CPNE8: variants seen among roughly 807,000 people sequenced by gnomAD.
CPNE8 encodes the protein copine-8.
A neutral mutation model predicts 81.5 loss-of-function variants in CPNE8; 45 were observed. The observed-to-expected ratio is 0.55, with a 90% CI of 0.44 to 0.71. The LOEUF is 0.71. CPNE8 is among the 30% of genes least tolerant of loss of function. The pLI, the probability that CPNE8 is intolerant of heterozygous loss-of-function variation, is 0.00. For synonymous variants in CPNE8, 252 were observed against 226.3 expected (o/e 1.11, Z -1.02); for missense variants, 594 against 672.1 (o/e 0.88, Z 1.28).
chr12:38,837,599 A>G (rs1382307827), intron 5 of CPNE8, among the ~76,000 whole-genome samples: 1 of 152,146 alleles, frequency 6.6e-6, no homozygotes, highest in Non-Finnish European at 1.5e-5. Context: ...AATAAAGCTT[A>G]AAGTGACAGA....
At position 38,762,103 on chromosome 12, in the gene CPNE8, C is replaced by T; in HGVS notation, c.680+9G>A. ...ATTTGAAGATTTTTGAATAAACTAT[C>T]CTTCTTACCTGTCATAGTCTCCATT... On this transcript the variant is annotated intron_variant, in intron 9 of 19. Transcript: ENST00000331366. 2 of 1,323,674 alleles carry T rather than the reference C, an allele frequency of 1.5e-6. No individual in the cohort carries two copies. The highest frequency in any genetic ancestry group is 1.5e-5 in the African/African-American group (1 of 66,624). The allele number at this position is 1,323,674 out of a possible 1,614,324, so 82.0% of individuals were successfully genotyped here.
intron 6 of CPNE8, among the ~76,000 whole-genome samples, 187 bp downstream of exon 6, chr12:38,829,192 T>A (rs1159193295): frequency 2.0e-5 from 3 of 152,200 alleles, no homozygotes; most frequent in African/African-American, 7.2e-5. Flanking sequence ...TTTTTTAGCA[T>A]AGCATATGAC....
chr12:38,811,001 T>G (rs571148713), intron 6 of CPNE8, among the ~76,000 whole-genome samples: 1 of 152,104 alleles, frequency 6.6e-6, no homozygotes, highest in African/African-American at 2.4e-5. Context: ...GTAAGTACAT[T>G]AAGCCCACCC....
intron 1 of CPNE8, among the ~76,000 whole-genome samples, chr12:38,896,465 C>T (rs1051786201): frequency 1.3e-5 from 2 of 152,094 alleles, no homozygotes; most frequent in Admixed American, 6.6e-5. Context: ...TTATTACAGG[C>T]AATAACTACT....
chr12:38,896,561 G>A (rs1007619597), intron 1 of CPNE8, among the ~76,000 whole-genome samples: 6 of 151,984 alleles, frequency 3.9e-5, no homozygotes, highest in East Asian at 1.9e-4. Flanking sequence ...ATATCAGCCC[G>A]TTGACTTTAT....
intron 3 of CPNE8, among the ~76,000 whole-genome samples, chr12:38,849,558 C>G (rs921562630): frequency 2.0e-5 from 3 of 152,104 alleles, no homozygotes; most frequent in African/African-American, 7.2e-5. Context: ...AAGAGAAGAA[C>G]TATGATAATC....
At chr12:38,840,419 C>T (rs1943449428) in intron 4 of CPNE8, among the ~76,000 whole-genome samples, 1 of 152,028 alleles carries the variant, frequency 6.6e-6, no homozygotes, top group Non-Finnish European at 1.5e-5. Context: ...TGTCAATATC[C>T]TATTTGTGAT....
chr12:38,848,708 C>A, intron 3 of CPNE8, 46 bp from the exon 4 acceptor site: 2 of 1,535,042 alleles, frequency 1.3e-6, no homozygotes, highest in Non-Finnish European at 1.7e-6. Flanking sequence ...TGTACGGCTA[C>A]TTATTACAAG....
rs1941437096 is a variant in CPNE8, at chr12:38,755,524, CA to C, written c.722+5322del. On this transcript the variant is annotated intron_variant, in intron 10 of 19. Coordinates refer to ENST00000331366, the MANE Select transcript of CPNE8 (RefSeq NM_153634.3). ...TGATTGCTTTTCAACCAGCACAAGGCAGTTTCTCAGCACTTTAGCTTTTCAA... is the reference window on the plus strand; with the variant it reads ...TGATTGCTTTTCAACCAGCACAAGGCGTTTCTCAGCACTTTAGCTTTTCAA... 3.3e-5 allele frequency among the ~76,000 whole-genome samples: 5 copies of C among 151,982 alleles called. 1 individual carries two copies. In the South Asian group the frequency reaches 1.0e-3, roughly 32 times the overall value.
chr12:38,664,907 G>C (rs866743095), intron 19 of CPNE8, among the ~76,000 whole-genome samples: 14 of 152,058 alleles, frequency 9.2e-5, no homozygotes, highest in South Asian at 2.1e-4. Flanking sequence ...GGAAGTCACT[G>C]TTATCAAACA....
Position 38,829,413 on chromosome 12 carries a change from C to A in CPNE8, c.373G>T (p.Gly125Cys). Residue 125 changes from glycine (G) to cysteine (C), a missense_variant, in exon 6 of 20, where the codon GGT becomes TGT. Transcript: ENST00000331366. Reference protein sequence around the residue: ...QVFCTLGEIVGSQGSRLEKPI... With the variant: ...QVFCTLGEIVCSQGSRLEKPI... ...TTTTCCAGGCGACTTCCCTGTGAACCAACGATCTCTCCCAATGTACAAAAC... is the reference window on the plus strand; with the variant it reads ...TTTTCCAGGCGACTTCCCTGTGAACAAACGATCTCTCCCAATGTACAAAAC... 6.2e-7 allele frequency: 1 copy of A among 1,613,346 alleles called. No individual in the cohort carries two copies. Among genetic ancestry groups the A allele is most frequent in the Non-Finnish European group, 8.5e-7 (1 of 1,179,390 alleles).
intron 10 of CPNE8, among the ~76,000 whole-genome samples, chr12:38,739,511 T>C (rs1296855504): frequency 1.3e-5 from 2 of 152,132 alleles, no homozygotes; most frequent in Non-Finnish European, 2.9e-5. Context: ...ATTATAAAAA[T>C]CTTTGAATAT....
At chr12:38,878,746 C>T (rs1377824908) in intron 1 of CPNE8, among the ~76,000 whole-genome samples, 1 of 152,156 alleles carries the variant, frequency 6.6e-6, no homozygotes, top group East Asian at 1.9e-4. Flanking sequence ...TGGAAAGTAG[C>T]AATTCTCTTT....
chr12:38,748,310 C>G (rs189525093), intron 10 of CPNE8, among the ~76,000 whole-genome samples: 31 of 152,180 alleles, frequency 2.0e-4, no homozygotes, highest in African/African-American at 6.5e-4. Context: ...CCCATCCGAA[C>G]GCAATACTAT....
At chr12:38,809,301 C>T (rs1287565167) in intron 6 of CPNE8, among the ~76,000 whole-genome samples, 3 of 152,274 alleles carry the variant, frequency 2.0e-5, no homozygotes, top group Admixed American at 6.5e-5. Flanking sequence ...TTCCTTCTCA[C>T]GGTTTCCACG....
At chr12:38,756,352 CT>C (rs5797594) in intron 10 of CPNE8, among the ~76,000 whole-genome samples, 60,394 of 135,112 alleles carry the variant, frequency 0.45, 13,381 homozygotes, top group Middle Eastern at 0.53. Flanking sequence ...GCATTTTCCA[CT>C]TTTTTTTTTT....
Position 38,905,540 on chromosome 12 carries a change from G to A in CPNE8, c.-6C>T, listed in dbSNP as rs1398796757. The stretch of plus-strand genomic sequence containing the variant: ...CTGTTGTAGCGGCTGTCCATATTGG[G>A]AGGAGGCGCCTTGGACTTGTCCGGC... On this transcript the variant is annotated 5_prime_UTR_variant, in exon 1 of 20. Transcript: ENST00000331366. The A allele has an allele frequency of 1.3e-6, 2 of 1,557,480 alleles. No homozygotes were observed. The highest frequency in any genetic ancestry group is 1.7e-6 in the Non-Finnish European group (2 of 1,151,414).
At chr12:38,669,209 C>G (rs1017314834) in intron 19 of CPNE8, among the ~76,000 whole-genome samples, 2 of 152,058 alleles carry the variant, frequency 1.3e-5, no homozygotes, top group Non-Finnish European at 2.9e-5. Context: ...AAGCTTACAT[C>G]ATATTCAATT....
chr12:38,806,237 T>A (rs1214902962), intron 6 of CPNE8, among the ~76,000 whole-genome samples: 3 of 150,178 alleles, frequency 2.0e-5, no homozygotes, highest in Non-Finnish European at 4.4e-5. Flanking sequence ...GAGGGAATCC[T>A]CCCTAACTCA....
Sources: gnomAD v4.1 joint callset for allele counts (sites outside exome capture counted in the v4.1 genomes callset) on GRCh38, gnomAD v4.1.1 for gene constraint, MANE v1.5 for transcripts, NCBI Gene and HGNC (gene_info 2026-07-23, HGNC 2026-07-21) for gene names.